Variants in CDH11 observed in about 807,000 individuals in gnomAD.
CDH11 encodes the protein cadherin 11.
CDH11 carries 11 observed loss-of-function variants against 67.8 expected under a neutral mutation model. The ratio of observed to expected loss-of-function variants is 0.16; its 90% CI spans 0.10 to 0.27. The LOEUF (loss-of-function observed/expected upper bound fraction) is 0.27. CDH11 is among the 10% of genes least tolerant of loss of function. CDH11 has a pLI of 1.00. For synonymous variants in CDH11, 419 were observed against 400.0 expected, an observed-to-expected ratio of 1.05 and a Z score of -0.57; for missense variants, 847 against 1,031.2, an observed-to-expected ratio of 0.82 and a Z score of 2.45.
At chr16:65,016,233 A>C (rs1006128148) in intron 2 of CDH11, among the ~76,000 whole-genome samples, 1 of 151,926 alleles carries the variant, frequency 6.6e-6, no homozygotes, top group Non-Finnish European at 1.5e-5. Flanking sequence ...TAGCCTCATA[A>C]TGATCTCATT....
intron 8 of CDH11, among the ~76,000 whole-genome samples, chr16:64,974,937 C>T (rs1378714363): frequency 1.3e-5 from 2 of 152,144 alleles, no homozygotes; most frequent in Non-Finnish European, 2.9e-5. Context: ...ATTGGAAAAG[C>T]CACTTAAGTT....
intron 8 of CDH11, among the ~76,000 whole-genome samples, chr16:64,977,115 C>T (rs377280917): frequency 5.9e-5 from 9 of 152,016 alleles, no homozygotes; most frequent in African/African-American, 1.9e-4. Context: ...GGGAGGTTCA[C>T]CTGAGCGCAG....
chr16:65,112,069 CAAAAAA>C (rs35671651), intron 1 of CDH11, among the ~76,000 whole-genome samples: 43 of 91,290 alleles, frequency 4.7e-4, no homozygotes, highest in Non-Finnish European at 8.8e-4. Flanking sequence ...GACTCTGTCT[CAAAAAA>C]AAAAAAAAAA....
chr16:64,994,230 C>G (rs1163030122), intron 4 of CDH11, among the ~76,000 whole-genome samples: 2 of 152,024 alleles, frequency 1.3e-5, no homozygotes, highest in Non-Finnish European at 2.9e-5. Context: ...GGAGCTCTTC[C>G]CATTTGTCAG....
intron 11 of CDH11, among the ~76,000 whole-genome samples, chr16:64,966,908 C>G (rs1597027282): frequency 1.3e-5 from 2 of 152,112 alleles, no homozygotes; most frequent in Admixed American, 1.3e-4. Flanking sequence ...TGCAAACTGA[C>G]AAATATATAA....
chr16:65,020,277 C>T (rs1238455597), intron 2 of CDH11, among the ~76,000 whole-genome samples: 1 of 152,184 alleles, frequency 6.6e-6, no homozygotes, highest in Non-Finnish European at 1.5e-5. Flanking sequence ...ATCTGACTTG[C>T]CTAATTTAGA....
At chr16:65,003,555 C>T (rs759050383) in intron 3 of CDH11, among the ~76,000 whole-genome samples, 74 of 152,264 alleles carry the variant, frequency 4.9e-4, no homozygotes, top group Middle Eastern at 6.8e-3. Flanking sequence ...CTGTGCTGGC[C>T]GCACATATCT....
Position 64,972,012 on chromosome 16 carries a change from G to A in CDH11, c.1443C>T (p.Val481=). 3 of 1,613,498 alleles carry A rather than the reference G, an allele frequency of 1.9e-6. No homozygotes were observed. Among genetic ancestry groups the A allele is most frequent in the Non-Finnish European group, 2.5e-6 (3 of 1,179,444 alleles). The change falls in exon 10 of 13, where the codon GTC becomes GTT. Residue 481 remains valine (V), a synonymous_variant. Transcript: ENST00000268603. ...CAGCAAACTTGGGAGCATTATCGTT[G>A]ACATCAAGGACCCTAATGGCCACTG... The part of the protein sequence containing the change: ...KVPVAIRVLD[V]NDNAPKFAAP...
At chr16:64,964,795 G>T (rs578154162) in intron 11 of CDH11, among the ~76,000 whole-genome samples, 74 of 152,108 alleles carry the variant, frequency 4.9e-4, no homozygotes, top group African/African-American at 1.5e-3. Flanking sequence ...TGATCCACCC[G>T]CCTCGGCCTC....
chr16:64,977,211 T>G (rs1405653613), intron 8 of CDH11, among the ~76,000 whole-genome samples: 7 of 151,890 alleles, frequency 4.6e-5, no homozygotes, highest in Non-Finnish European at 1.0e-4. Flanking sequence ...AAAACAAATA[T>G]AAAAGCTTTG....
At chr16:65,010,949 TGAC>T (rs2073164172) in intron 2 of CDH11, among the ~76,000 whole-genome samples, 1 of 99,258 alleles carries the variant, frequency 1.0e-5, no homozygotes, top group East Asian at 3.0e-4. Context: ...TATATATGTG[TGAC>T]ATATATATAT....
intron 8 of CDH11, among the ~76,000 whole-genome samples, chr16:64,976,513 G>A (rs1255548338): frequency 1.3e-5 from 2 of 152,126 alleles, no homozygotes; most frequent in South Asian, 4.1e-4. Context: ...CAAAGTTGAA[G>A]AGAAACAACC....
intron 1 of CDH11, among the ~76,000 whole-genome samples, chr16:65,111,771 C>T (rs770866999): frequency 1.7e-4 from 26 of 151,270 alleles, no homozygotes; most frequent in Non-Finnish European, 2.9e-4. Context: ...TGGAAGACAA[C>T]TTAAAAATGA....
chr16:64,988,273 G>T lies in CDH11; in HGVS notation c.883C>A (p.Pro295Thr). Residue 295 changes from proline (P) to threonine (T), a missense_variant, in exon 7 of 13, where the codon CCA becomes ACA. Physicochemically the swap from Pro to Thr is conservative, Grantham distance 38. This residue lies in a region of CDH11 where 612 missense variants were observed against 678.7 expected (regional missense o/e 0.90). Transcript: ENST00000268603. ...ACTAAGCCATTTTCTCCAATGTCTG[G>T]ATCTTTAGCTTTCACTCTTCCTACT... ...EEVGRVKAKD[P>T]DIGENGLVTY... The T allele has an allele frequency of 1.9e-6, 3 of 1,613,632 alleles. No homozygotes were observed. Among genetic ancestry groups the T allele is most frequent in the Non-Finnish European group, 2.5e-6 (3 of 1,179,736 alleles).
At chr16:64,978,269 C>T (rs1597043353) in intron 8 of CDH11, among the ~76,000 whole-genome samples, 2 of 152,048 alleles carry the variant, frequency 1.3e-5, no homozygotes, top group Admixed American at 1.3e-4. Flanking sequence ...CGAATTTGGG[C>T]CATGTACTCT....
At chr16:64,984,432 A>G (rs2072433395) in intron 7 of CDH11, among the ~76,000 whole-genome samples, 1 of 152,226 alleles carries the variant, frequency 6.6e-6, no homozygotes. Flanking sequence ...TCCTCCCTCC[A>G]AAACAAGATG....
intron 3 of CDH11, among the ~76,000 whole-genome samples, chr16:65,000,794 G>A (rs1277018056): frequency 6.6e-6 from 1 of 151,934 alleles, no homozygotes; most frequent in Non-Finnish European, 1.5e-5. Flanking sequence ...GGCAGACAGA[G>A]TGAGACTTTG....
At chr16:65,010,077 G>C (rs2073144616) in intron 2 of CDH11, among the ~76,000 whole-genome samples, 1 of 152,196 alleles carries the variant, frequency 6.6e-6, no homozygotes, top group Non-Finnish European at 1.5e-5. Flanking sequence ...TGGTTTTTCA[G>C]CTGTCCCCTC....
Position 64,945,906 on chromosome 16 carries a change from A to C in CDH11, c.*1697T>G. On this transcript the variant is annotated 3_prime_UTR_variant, in exon 13 of 13. Transcript: ENST00000268603. ...AAGCACGTGCCCTGTGTGTAGGGGG[A>C]AAGAGGGAAAGCACTTGCAGTGTGA... The C allele has an allele frequency of 9.5e-7, 1 of 1,057,820 alleles. No individual in the cohort carries two copies. The allele number at this position is 1,057,820 out of a possible 1,614,324, so 65.5% of individuals were successfully genotyped here.
Sources: gnomAD v4.1 joint callset for allele counts (sites outside exome capture counted in the v4.1 genomes callset) on GRCh38, gnomAD v4.1.1 for gene constraint, gnomAD v4.1.1 regional missense constraint, MANE v1.5 for transcripts, NCBI Gene and HGNC (gene_info 2026-07-23, HGNC 2026-07-21) for gene names.